Variants in ABCC4 observed in about 807,000 individuals in gnomAD.
The protein encoded by ABCC4 is ATP binding cassette subfamily C member 4 (PEL blood group), also known as ATP-binding cassette sub-family C member 4.
A neutral mutation model predicts 168.5 loss-of-function variants in ABCC4; 102 were observed. That is an observed-to-expected ratio of 0.61 (90% confidence interval 0.52 to 0.71). The LOEUF (loss-of-function observed/expected upper bound fraction) is 0.71, where lower values mean the gene tolerates loss of function less well. Ranked by LOEUF, ABCC4 falls within the 30% of genes least tolerant of loss-of-function variation. ABCC4 has a pLI of 0.00. For synonymous variants in ABCC4, 617 were observed against 590.7 expected (o/e 1.04, Z -0.65); for missense variants, 1,402 against 1,605.8 (o/e 0.87, Z 2.17).
At position 95,040,024 on chromosome 13, in the gene ABCC4, T is replaced by C. The variant is rs184371568; in HGVS notation, c.3735+3658A>G. 5.3e-5 allele frequency among the ~76,000 whole-genome samples: 8 copies of C among 152,220 alleles called. No individual in the cohort carries two copies. In the East Asian group the frequency reaches 1.5e-3, roughly 29 times the overall value. ...ACGGAGAGTCATCTGACGTTGGAGA[T>C]TGGTTCCCTCACTGGTAAAATGGGT... On this transcript the variant is annotated intron_variant, in intron 29 of 30. Coordinates refer to ENST00000645237, the MANE Select transcript of ABCC4 (RefSeq NM_005845.5).
chr13:95,220,159 C>G (rs2039274359), intron 4 of ABCC4, among the ~76,000 whole-genome samples: 1 of 148,632 alleles, frequency 6.7e-6, no homozygotes, highest in African/African-American at 2.5e-5. Context: ...AACCAACGTG[C>G]CCAGCCTGCT....
At chr13:95,257,825 C>A (rs2040430738) in intron 1 of ABCC4, among the ~76,000 whole-genome samples, 2 of 152,122 alleles carry the variant, frequency 1.3e-5, no homozygotes, top group South Asian at 4.1e-4. Context: ...TCACACTTCT[C>A]AAGGCTAAAC....
At chr13:95,037,083 C>A (rs61967171) in intron 29 of ABCC4, among the ~76,000 whole-genome samples, 1 of 10,228 alleles carries the variant, frequency 9.8e-5, no homozygotes, top group Admixed American at 9.7e-4. Flanking sequence ...GACTCTGTGT[C>A]CAAAAAAAAA....
At chr13:95,082,197 T>G (rs1373670495) in intron 21 of ABCC4, among the ~76,000 whole-genome samples, 1 of 152,184 alleles carries the variant, frequency 6.6e-6, no homozygotes, top group Non-Finnish European at 1.5e-5. Flanking sequence ...TACAAATATC[T>G]TCCTTCTTTA....
intron 9 of ABCC4, among the ~76,000 whole-genome samples, chr13:95,192,521 C>T (rs1566510993): frequency 6.6e-6 from 1 of 152,214 alleles, no homozygotes; most frequent in Non-Finnish European, 1.5e-5. Context: ...ATGGGACCTA[C>T]ACAGTGTGTG....
Position 95,076,958 on chromosome 13 carries a change from C to T in ABCC4, c.2687-1407G>A, listed in dbSNP as rs190409567. Among the ~76,000 whole-genome samples the T allele has an allele frequency of 2.9e-3, 444 of 152,234 alleles. 1 individual carries two copies. Among genetic ancestry groups the T allele is most frequent in the Non-Finnish European group, 4.5e-3 (309 of 68,020 alleles). On this transcript the variant is annotated intron_variant, in intron 21 of 30. Transcript: ENST00000645237. ...AGTTTTTCATAGAGATGAGGGTCCT[C>T]CTCCTGCCTTGGCCTCCCAAAGTGC... is the stretch of plus-strand genomic sequence containing the variant.
At chr13:95,255,456 A>C (rs1170331138) in intron 1 of ABCC4, among the ~76,000 whole-genome samples, 1 of 152,142 alleles carries the variant, frequency 6.6e-6, no homozygotes, top group East Asian at 1.9e-4. Flanking sequence ...AAGTTCAACG[A>C]TCACCAGACA....
At chr13:95,198,165 G>A (rs1195136514) in intron 8 of ABCC4, among the ~76,000 whole-genome samples, 1 of 152,098 alleles carries the variant, frequency 6.6e-6, no homozygotes, top group African/African-American at 2.4e-5. Flanking sequence ...TCATCAGAGT[G>A]AACAGGCAAC....
At chr13:95,257,662 C>CA (rs55944120) in intron 1 of ABCC4, among the ~76,000 whole-genome samples, 2 of 144,988 alleles carry the variant, frequency 1.4e-5, no homozygotes, top group African/African-American at 2.6e-5. Flanking sequence ...GACTTCATCT[C>CA]AAAAAAAAAA....
intron 4 of ABCC4, among the ~76,000 whole-genome samples, chr13:95,227,932 A>C (rs1414452768): frequency 6.6e-6 from 1 of 151,976 alleles, no homozygotes; most frequent in Non-Finnish European, 1.5e-5. Context: ...CTGGTCTCGA[A>C]CTCCTGGCCT....
At chr13:95,192,835 C>T (rs1244596713) in intron 9 of ABCC4, among the ~76,000 whole-genome samples, 1 of 152,162 alleles carries the variant, frequency 6.6e-6, no homozygotes, top group Non-Finnish European at 1.5e-5. Flanking sequence ...AGGAGAATCA[C>T]TTGACCCTGG....
intron 20 of ABCC4, among the ~76,000 whole-genome samples, chr13:95,108,885 GC>G (rs1305045029): frequency 6.6e-6 from 1 of 151,954 alleles, no homozygotes; most frequent in Non-Finnish European, 1.5e-5. Flanking sequence ...CCCTCAACCT[GC>G]CCCCATATCT....
At chr13:95,196,139 G>A (rs1678384) in intron 8 of ABCC4, among the ~76,000 whole-genome samples, 58,023 of 151,968 alleles carry the variant, frequency 0.38, 12,266 homozygotes, top group Non-Finnish European at 0.49. Context: ...GCATAATTCA[G>A]TGAGAGAAGC....
At chr13:95,152,417 A>G (rs1420997538) in intron 19 of ABCC4, among the ~76,000 whole-genome samples, 1 of 152,320 alleles carries the variant, frequency 6.6e-6, no homozygotes, top group Non-Finnish European at 1.5e-5. Context: ...AATATTTACT[A>G]ATCAGATACA....
At chr13:95,104,588 T>C (rs1004750562) in intron 20 of ABCC4, among the ~76,000 whole-genome samples, 18 of 152,266 alleles carry the variant, frequency 1.2e-4, no homozygotes, top group African/African-American at 4.1e-4. Context: ...TTTTTTAAAG[T>C]GAAGATTTCT....
intron 19 of ABCC4, among the ~76,000 whole-genome samples, chr13:95,157,402 A>G (rs1281060057): frequency 6.6e-6 from 1 of 151,894 alleles, no homozygotes; most frequent in African/African-American, 2.4e-5. Flanking sequence ...AGATAGACAC[A>G]TGAGAATTGC....
At chr13:95,025,249 A>T (rs1386652568) in intron 30 of ABCC4, among the ~76,000 whole-genome samples, 2 of 24,086 alleles carry the variant, frequency 8.3e-5, no homozygotes, top group African/African-American at 1.8e-4. Flanking sequence ...ACACACACCC[A>T]CACACACACA....
intron 26 of ABCC4, among the ~76,000 whole-genome samples, chr13:95,061,195 G>T (rs1270040778): frequency 6.6e-6 from 1 of 152,148 alleles, no homozygotes; most frequent in Non-Finnish European, 1.5e-5. Flanking sequence ...GATGATCATG[G>T]ATGTACAAAA....
chr13:95,228,044 A>C (rs145515396), intron 4 of ABCC4, among the ~76,000 whole-genome samples: 218 of 152,326 alleles, frequency 1.4e-3, no homozygotes, highest in African/African-American at 5.1e-3. Flanking sequence ...TTCAGTCTAA[A>C]TATAAAGCAA....
Sources: allele counts gnomAD v4.1 joint callset (sites outside exome capture counted in the v4.1 genomes callset), GRCh38; gene constraint gnomAD v4.1.1; transcripts MANE v1.5; gene names NCBI Gene and HGNC (gene_info 2026-07-23, HGNC 2026-07-21).